ASCC1: variants seen among roughly 807,000 people sequenced by gnomAD.
The protein encoded by ASCC1 is ASC-1 complex subunit P50.
A neutral mutation model predicts 46.6 loss-of-function variants in ASCC1; 35 were observed. That is an observed-to-expected ratio of 0.75 (90% CI 0.57 to 0.99). The LOEUF (loss-of-function observed/expected upper bound fraction) is 0.99, where lower values mean the gene tolerates loss of function less well. Among genes scored for constraint, ASCC1 ranks in the 50% least tolerant of loss-of-function variants. The pLI is 0.00. For missense variants in ASCC1, 376 were observed against 428.7 expected (o/e 0.88, Z 1.09); for synonymous variants, 143 against 146.6 (o/e 0.98, Z 0.18).
chr10:72,128,164 T>C lies in ASCC1; in HGVS notation c.875A>G (p.Glu292Gly). ...NTLFRKDPNA[E>G]GRYNLYTAEG... ...CGCTGTGTAGAGATTGTACCTGCCT[T>C]CAGCTGTAAATATTCCAAAGATAAT... is the stretch of plus-strand genomic sequence containing the variant. Residue 292 changes from glutamate (E) to glycine (G), a missense_variant, in exon 9 of 10, where the codon GAA becomes GGA. Transcript: ENST00000672957. 1.2e-6 allele frequency: 2 copies of C among 1,612,080 alleles called. No individual in the cohort carries two copies. Among genetic ancestry groups the C allele is most frequent in the Non-Finnish European group, 1.7e-6 (2 of 1,178,232 alleles).
chr10:72,160,956 G>A (rs371108946), intron 6 of ASCC1, among the ~76,000 whole-genome samples: 18 of 151,808 alleles, frequency 1.2e-4, no homozygotes, highest in East Asian at 5.8e-4. Context: ...GGTGGCGGGC[G>A]CCTGTAGTCC....
intron 5 of ASCC1, among the ~76,000 whole-genome samples, chr10:72,184,036 C>T (rs1325100340): frequency 2.0e-5 from 3 of 151,880 alleles, no homozygotes; most frequent in African/African-American, 4.8e-5. Flanking sequence ...ACCAGCTACT[C>T]GGGAGGCTGA....
At chr10:72,129,380 A>G (rs1167982812) in intron 8 of ASCC1, among the ~76,000 whole-genome samples, 1 of 152,246 alleles carries the variant, frequency 6.6e-6, no homozygotes, top group African/African-American at 2.4e-5. Flanking sequence ...AGCCATAAAG[A>G]AATGAAGCAC....
At chr10:72,170,243 G>C (rs1017021817) in intron 5 of ASCC1, among the ~76,000 whole-genome samples, 1 of 152,108 alleles carries the variant, frequency 6.6e-6, no homozygotes, top group East Asian at 1.9e-4. Flanking sequence ...CTTATCGGTT[G>C]AAAGGTAAAA....
chr10:72,114,703 G>T lies in ASCC1; in HGVS notation c.957+13379C>A, dbSNP rs964103136. Among the ~76,000 whole-genome samples the T allele has an allele frequency of 5.3e-5, 8 of 151,464 alleles. No homozygotes were observed. In the East Asian group the frequency reaches 1.6e-3, roughly 29 times the overall value. On this transcript the variant is annotated intron_variant, in intron 9 of 9. Coordinates refer to ENST00000672957, the MANE Select transcript of ASCC1 (RefSeq NM_001198800.3). ...CAGAAATTCAATAGGATTGACTGTT[G>T]TTAACTATATCTTTATGACATAATT...
At chr10:72,115,067 T>C (rs913498135) in intron 9 of ASCC1, among the ~76,000 whole-genome samples, 6 of 152,236 alleles carry the variant, frequency 3.9e-5, no homozygotes, top group Admixed American at 2.6e-4. Context: ...CCATAAAAAA[T>C]ACAGGTGGTG....
intron 3 of ASCC1, chr10:72,204,589 C>T: frequency 6.7e-7 from 1 of 1,496,950 alleles, no homozygotes; most frequent in Non-Finnish European, 9.0e-7. Flanking sequence ...AACTCCTTGT[C>T]ATCAACGTTA....
intron 9 of ASCC1, among the ~76,000 whole-genome samples, chr10:72,097,890 C>T (rs551281806): frequency 7.2e-5 from 11 of 152,266 alleles, no homozygotes; most frequent in African/African-American, 1.4e-4. Context: ...ATCTAATCAA[C>T]GCCATTTGTT....
intron 5 of ASCC1, among the ~76,000 whole-genome samples, chr10:72,181,727 C>T (rs1405608945): frequency 6.6e-6 from 1 of 151,890 alleles, no homozygotes; most frequent in Admixed American, 6.6e-5. Flanking sequence ...ACTCTGTTGC[C>T]CAGGCTGGAG....
At chr10:72,098,438 A>G (rs904372805) in intron 9 of ASCC1, among the ~76,000 whole-genome samples, 7 of 152,236 alleles carry the variant, frequency 4.6e-5, no homozygotes, top group Non-Finnish European at 8.8e-5. Context: ...TAGTGCAATC[A>G]TGGCCTCAAC....
intron 5 of ASCC1, among the ~76,000 whole-genome samples, chr10:72,195,326 T>G (rs934426048): frequency 2.0e-5 from 3 of 151,474 alleles, no homozygotes; most frequent in African/African-American, 7.3e-5. Flanking sequence ...TTGTATTTTT[T>G]GTAGAGACAG....
intron 7 of ASCC1, among the ~76,000 whole-genome samples, chr10:72,152,619 C>T (rs2132559749): frequency 6.6e-6 from 1 of 152,124 alleles, no homozygotes; most frequent in Non-Finnish European, 1.5e-5. Context: ...TCCCTGGAGC[C>T]CAGGACGCTG....
chr10:72,166,544 T>C (rs1438734540), intron 5 of ASCC1, among the ~76,000 whole-genome samples: 1 of 149,420 alleles, frequency 6.7e-6, no homozygotes, highest in Non-Finnish European at 1.5e-5. Context: ...TTTTTAGATA[T>C]GACACCAAAA....
intron 9 of ASCC1, among the ~76,000 whole-genome samples, chr10:72,100,059 CT>C (rs1287244917): frequency 6.6e-6 from 1 of 152,000 alleles, no homozygotes; most frequent in Non-Finnish European, 1.5e-5. Flanking sequence ...TCTTTCATAC[CT>C]TTTGATAATA....
At chr10:72,156,905 A>C (rs1041968202) in intron 6 of ASCC1, among the ~76,000 whole-genome samples, 8 of 152,178 alleles carry the variant, frequency 5.3e-5, no homozygotes, top group African/African-American at 1.2e-4. Flanking sequence ...CTAGTAGTAA[A>C]GATTCCCTTA....
At chr10:72,181,054 C>T (rs1476636167) in intron 5 of ASCC1, 1 of 152,588 alleles carries the variant, frequency 6.6e-6, no homozygotes, top group African/African-American at 2.4e-5. Flanking sequence ...CAACCTCCAC[C>T]TCCCTGGTTC....
At chr10:72,146,330 A>G (rs186379579) in intron 7 of ASCC1, among the ~76,000 whole-genome samples, 1 of 152,354 alleles carries the variant, frequency 6.6e-6, no homozygotes, top group Non-Finnish European at 1.5e-5. Flanking sequence ...GCAGAGCAGA[A>G]TAACCGAGGG....
chr10:72,190,173 G>A, intron 5 of ASCC1: 1 of 763,468 alleles, frequency 1.3e-6, no homozygotes, highest in South Asian at 1.3e-5. Flanking sequence ...GTTCCTAAGG[G>A]TGCAACTTAC....
intron 5 of ASCC1, among the ~76,000 whole-genome samples, chr10:72,169,309 G>A (rs1850760866): frequency 6.6e-6 from 1 of 152,112 alleles, no homozygotes; most frequent in Non-Finnish European, 1.5e-5. Context: ...GGTGGCACAT[G>A]CATGCCGGTA....
Sources: allele counts gnomAD v4.1 joint callset (sites outside exome capture counted in the v4.1 genomes callset), GRCh38; gene constraint gnomAD v4.1.1; transcripts MANE v1.5; gene names NCBI Gene and HGNC (gene_info 2026-07-23, HGNC 2026-07-21).